EFCAB8: variants seen among roughly 807,000 people sequenced by gnomAD.
EFCAB8 encodes EF-hand calcium binding domain 8.
EFCAB8 carries 100 observed loss-of-function variants against 116.3 expected under a neutral mutation model. That is an observed-to-expected ratio of 0.86 (90% CI 0.73 to 1.02). EFCAB8 has a LOEUF of 1.02. Among genes scored for constraint, EFCAB8 ranks in the 50% least tolerant of loss-of-function variants. EFCAB8 has a pLI of 0.00. For missense variants in EFCAB8, 1,320 were observed against 1,416.9 expected (o/e 0.93, Z 1.10); for synonymous variants, 558 against 567.9 (o/e 0.98, Z 0.25).
intron 22 of EFCAB8, among the ~76,000 whole-genome samples, chr20:32,933,865 C>T (rs1988003426): frequency 6.6e-6 from 1 of 152,172 alleles, no homozygotes; most frequent in Non-Finnish European, 1.5e-5. Flanking sequence ...GTAATCCCAG[C>T]TACTCTGGAG....
Position 32,917,739 on chromosome 20 carries a change from CAAG to C in EFCAB8, c.2061+238_2061+240del, listed in dbSNP as rs139138838. 3.1e-3 allele frequency among the ~76,000 whole-genome samples: 467 copies of C among 152,304 alleles called. 3 individuals carry two copies. The highest frequency in any genetic ancestry group is 0.011 in the African/African-American group (460 of 41,558). ...AGCACCTTGCCTAAGGTCACACAGC[CAAG>C]AAGGAGTAGACCCAAACCCAGGCAG... is the stretch of plus-strand genomic sequence containing the variant. On this transcript the variant is annotated intron_variant, in intron 18 of 26. Coordinates refer to ENST00000400522, the MANE Select transcript of EFCAB8 (RefSeq NM_001143967.2).
At chr20:32,902,311 G>T (rs1986464519) in intron 11 of EFCAB8, among the ~76,000 whole-genome samples, 2 of 152,170 alleles carry the variant, frequency 1.3e-5, no homozygotes, top group African/African-American at 4.8e-5. Flanking sequence ...CCTGGAGCTG[G>T]GCTGTGTTGT....
chr20:32,908,048 G>T (rs1357035996), intron 13 of EFCAB8, among the ~76,000 whole-genome samples: 1 of 152,206 alleles, frequency 6.6e-6, no homozygotes, highest in African/African-American at 2.4e-5. Context: ...CAGGCTGGGG[G>T]TGGAGCTGTG....
intron 9 of EFCAB8, among the ~76,000 whole-genome samples, chr20:32,894,753 G>T (rs1019641602): frequency 6.6e-6 from 1 of 152,200 alleles, no homozygotes; most frequent in African/African-American, 2.4e-5. Flanking sequence ...AACGTGGAAC[G>T]TTAGGCACCT....
At chr20:32,867,504 C>G in intron 2 of EFCAB8, 78 bp from the exon 3 acceptor site, 1 of 1,463,250 alleles carries the variant, frequency 6.8e-7, no homozygotes, top group South Asian at 1.3e-5. Context: ...AAGAGTCTCT[C>G]TTTAAATCAT....
chr20:32,917,492 T>G lies in EFCAB8; in HGVS notation c.2048T>G (p.Leu683Trp). ...AATGCCTCTAGGAGCCCCTCGCCCT[T>G]GCAGCCCAAGAGGGTATGTTAACAG... ...NFNASRSPSP[L>W]QPKRVQDVNN... Residue 683 changes from leucine to tryptophan, a missense_variant, in exon 18 of 27, where the codon TTG becomes TGG. By Grantham distance (61) the Leu-to-Trp change is moderately conservative. Transcript: ENST00000400522. 6.5e-7 allele frequency: 1 copy of G among 1,527,052 alleles called. No homozygotes were observed. Among genetic ancestry groups the G allele is most frequent in the Non-Finnish European group, 8.8e-7 (1 of 1,132,476 alleles). The allele number at this position is 1,527,052 out of a possible 1,614,324, so 94.6% of individuals were successfully genotyped here.
chr20:32,941,766 G>A (rs1988416785), intron 22 of EFCAB8, among the ~76,000 whole-genome samples: 1 of 152,032 alleles, frequency 6.6e-6, no homozygotes, highest in South Asian at 2.1e-4. Context: ...GTGATGAAAT[G>A]GTCTAAAATA....
At chr20:32,938,975 T>TCTCTC in intron 22 of EFCAB8, among the ~76,000 whole-genome samples, 1 of 138,250 alleles carries the variant, frequency 7.2e-6, no homozygotes, top group East Asian at 2.0e-4. Context: ...TTTTTCTTTC[T>TCTCTC]TTTCCTTCCC....
At chr20:32,877,698 CA>C (rs549845208) in intron 4 of EFCAB8, among the ~76,000 whole-genome samples, 2 of 152,320 alleles carry the variant, frequency 1.3e-5, no homozygotes, top group African/African-American at 4.8e-5. Flanking sequence ...GGGCCTTGGC[CA>C]TGTTTTCCAG....
intron 1 of EFCAB8, among the ~76,000 whole-genome samples, chr20:32,860,162 G>C (rs1192772395): frequency 6.6e-6 from 1 of 152,150 alleles, no homozygotes; most frequent in Non-Finnish European, 1.5e-5. Flanking sequence ...ACGAAAGTTA[G>C]CTGGGCATGG....
At chr20:32,866,485 G>A (rs918158521) in intron 2 of EFCAB8, among the ~76,000 whole-genome samples, 19 of 151,724 alleles carry the variant, frequency 1.3e-4, no homozygotes, top group Non-Finnish European at 1.3e-4. Flanking sequence ...ATGGAGGGGT[G>A]AGGAGAGGAA....
In EFCAB8 at chr20:32,867,474, A is replaced by G. The variant is rs1208589958; in HGVS notation, c.43-108A>G. ...TTTCTGTCAGTGACATCATAACACT[A>G]CTTACCTTGTTCTTTCTCAAAGAGT... On this transcript the variant is annotated intron_variant, in intron 2 of 26. Transcript: ENST00000400522. The G allele has an allele frequency of 1.1e-5, 13 of 1,225,870 alleles. No homozygotes were observed. In the Admixed American group the frequency reaches 2.1e-4, roughly 20 times the overall value. The allele number at this position is 1,225,870 out of a possible 1,614,324, so 75.9% of individuals were successfully genotyped here.
rs570360074 is a variant in EFCAB8, at chr20:32,897,278, G to T, written c.957+751G>T. ...ATTCCTCATGCTGTCACCTTCACGAGATCGACAGCTCCTCAACGGCAGCGG... is the reference window on the plus strand; with the variant it reads ...ATTCCTCATGCTGTCACCTTCACGATATCGACAGCTCCTCAACGGCAGCGG... On this transcript the variant is annotated intron_variant, in intron 10 of 26. Coordinates refer to ENST00000400522, the MANE Select transcript of EFCAB8 (RefSeq NM_001143967.2). Among the ~76,000 whole-genome samples the T allele has an allele frequency of 3.9e-5, 6 of 152,158 alleles. No individual in the cohort carries two copies. The East Asian group carries it at 1.2e-3, about 30-fold the overall frequency.
chr20:32,872,515 C>T (rs113609938), intron 3 of EFCAB8, among the ~76,000 whole-genome samples: 4,786 of 152,150 alleles, frequency 0.031, 268 homozygotes, highest in African/African-American at 0.1. Flanking sequence ...GAGCTGGGCA[C>T]GGTGGCTCAT....
chr20:32,959,681 G>C, intron 24 of EFCAB8, 97 bp from the exon 25 acceptor site: 1 of 874,444 alleles, frequency 1.1e-6, no homozygotes. Flanking sequence ...GATTGGAAAG[G>C]ATCAGGCCAG....
intron 11 of EFCAB8, among the ~76,000 whole-genome samples, chr20:32,898,984 G>A (rs569045932): frequency 6.6e-6 from 1 of 152,290 alleles, no homozygotes; most frequent in East Asian, 1.9e-4. Flanking sequence ...ATCCTCTGTG[G>A]TATGTGTTCA....
chr20:32,873,375 A>T (rs950511654), intron 3 of EFCAB8, among the ~76,000 whole-genome samples: 9 of 151,154 alleles, frequency 6.0e-5, no homozygotes, highest in Non-Finnish European at 1.2e-4. Flanking sequence ...CACTGTGCCC[A>T]GCCCAGAAGC....
chr20:32,909,756 C>A (rs1986832756), intron 14 of EFCAB8, 65 bp from the exon 15 acceptor site: 3 of 828,234 alleles, frequency 3.6e-6, no homozygotes, highest in East Asian at 6.7e-5. Flanking sequence ...TTTTTCCCGG[C>A]AGCCCATCAC....
At chr20:32,939,607 TTCCCTCCTTTTCTCCCTCCCTTCC>T (rs1301138109) in intron 22 of EFCAB8, among the ~76,000 whole-genome samples, 1 of 146,320 alleles carries the variant, frequency 6.8e-6, no homozygotes, top group East Asian at 2.0e-4. Context: ...TCTTCCTTCC[TTCCCTCCTTTTCTCCCTCCCTTCC>T]TCCCTCCTTT....
Sources: gnomAD v4.1 joint callset for allele counts (sites outside exome capture counted in the v4.1 genomes callset) on GRCh38, gnomAD v4.1.1 for gene constraint, MANE v1.5 for transcripts, NCBI Gene and HGNC (gene_info 2026-07-23, HGNC 2026-07-21) for gene names.